Variants in METAP1 observed in about 807,000 individuals in gnomAD.
METAP1 encodes the protein methionyl aminopeptidase 1.
A neutral mutation model predicts 53.8 loss-of-function variants in METAP1; 28 were observed. The ratio of observed to expected loss-of-function variants is 0.52; its 90% CI spans 0.39 to 0.71. The LOEUF is 0.71. Among genes scored for constraint, METAP1 ranks in the 30% least tolerant of loss-of-function variants. The pLI, the probability that METAP1 is intolerant of heterozygous loss-of-function variation, is 0.00. For synonymous variants in METAP1, 181 were observed against 165.7 expected (o/e 1.09, Z -0.71); for missense variants, 389 against 479.8 (o/e 0.81, Z 1.77).
At chr4:99,041,492 T>G (rs1260730872) in intron 6 of METAP1, among the ~76,000 whole-genome samples, 1 of 152,098 alleles carries the variant, frequency 6.6e-6, no homozygotes, top group Non-Finnish European at 1.5e-5. Flanking sequence ...TGATGGTAGA[T>G]TAGTTAAATG....
At position 99,032,254 on chromosome 4, in the gene METAP1, G is replaced by T. The variant is rs116459421; in HGVS notation, c.167-1976G>T. ...TTGTTTTGTTTTTTTTTGAGACAGG[G>T]TGTTCCTCTGTTGCCCAGGCTGGAG... On this transcript the variant is annotated intron_variant, in intron 2 of 10. Coordinates refer to ENST00000296411, the MANE Select transcript of METAP1 (RefSeq NM_015143.3). 7.4e-3 allele frequency among the ~76,000 whole-genome samples: 1,123 copies of T among 151,662 alleles called. 9 individuals carry two copies. Among genetic ancestry groups the T allele is most frequent in the African/African-American group, 0.026 (1,081 of 41,302 alleles).
intron 9 of METAP1, among the ~76,000 whole-genome samples, chr4:99,052,729 G>T (rs79857726): frequency 0.012 from 1,820 of 152,296 alleles, 41 homozygotes; most frequent in African/African-American, 0.041. Flanking sequence ...GGTTGTTGTG[G>T]CAGTTTCTTG....
chr4:99,006,658 A>G (rs1224602163), intron 1 of METAP1, among the ~76,000 whole-genome samples: 2 of 152,178 alleles, frequency 1.3e-5, no homozygotes, highest in Non-Finnish European at 2.9e-5. Context: ...TCTTACTTAA[A>G]TTTCTCAATT....
At chr4:99,046,522 C>G (rs1726246673) in intron 8 of METAP1, among the ~76,000 whole-genome samples, 1 of 152,158 alleles carries the variant, frequency 6.6e-6, no homozygotes, top group South Asian at 2.1e-4. Context: ...AACTTTATTA[C>G]CAGTGTGCTA....
chr4:99,061,443 A>G lies in METAP1; in HGVS notation c.*126A>G. The G allele has an allele frequency of 1.2e-6, 1 of 865,658 alleles. No homozygotes were observed. Among genetic ancestry groups the G allele is most frequent in the Non-Finnish European group, 1.7e-6 (1 of 584,858 alleles). The allele number at this position is 865,658 out of a possible 1,614,324, so 53.6% of individuals were successfully genotyped here. A position where few individuals can be genotyped will look rare whatever the true frequency, so the allele number is the denominator to read the frequency against. On this transcript the variant is annotated 3_prime_UTR_variant, in exon 11 of 11. Transcript: ENST00000296411. ...TTTTGACTATAGATAAGAAAGGACT[A>G]CAGCATTTGATGTGTGTCCTCAAGA...
chr4:99,006,044 T>A (rs1723161883), intron 1 of METAP1, among the ~76,000 whole-genome samples: 1 of 152,188 alleles, frequency 6.6e-6, no homozygotes, highest in Non-Finnish European at 1.5e-5. Context: ...GTGGTACTTA[T>A]AGAGAGTTTA....
intron 10 of METAP1, among the ~76,000 whole-genome samples, chr4:99,059,677 T>C (rs148786557): frequency 4.6e-5 from 7 of 152,316 alleles, no homozygotes; most frequent in African/African-American, 1.7e-4. Flanking sequence ...ATTCCACCTC[T>C]GCTTCACATT....
intron 1 of METAP1, chr4:99,023,502 T>C: frequency 2.0e-6 from 2 of 985,430 alleles, no homozygotes; most frequent in Non-Finnish European, 2.4e-6. Flanking sequence ...GGTGTGCTTA[T>C]TTGCTCACAC....
intron 10 of METAP1, among the ~76,000 whole-genome samples, chr4:99,060,459 G>C (rs1324548955): frequency 6.6e-6 from 1 of 150,600 alleles, no homozygotes; most frequent in East Asian, 2.0e-4. Flanking sequence ...TGCCTCCCAG[G>C]TTCATGCCAT....
intron 5 of METAP1, among the ~76,000 whole-genome samples, chr4:99,040,717 C>CT (rs1725796125): frequency 7.9e-6 from 1 of 126,722 alleles, no homozygotes; most frequent in South Asian, 2.5e-4. Context: ...CTCATCTGTT[C>CT]TTTTTTCTTT....
chr4:99,027,494 C>G (rs2110327911), intron 1 of METAP1, among the ~76,000 whole-genome samples: 1 of 152,100 alleles, frequency 6.6e-6, no homozygotes, highest in Middle Eastern at 3.4e-3. Context: ...AGTCTTTCTT[C>G]CTGCGGTATG....
At chr4:99,007,612 G>T (rs965124984) in intron 1 of METAP1, among the ~76,000 whole-genome samples, 10 of 150,902 alleles carry the variant, frequency 6.6e-5, no homozygotes, top group African/African-American at 2.4e-4. Context: ...ACTGGTAAAT[G>T]AACTACGTTC....
chr4:99,031,034 G>A (rs1427191643), intron 2 of METAP1, among the ~76,000 whole-genome samples: 1 of 149,434 alleles, frequency 6.7e-6, no homozygotes, highest in East Asian at 2.0e-4. Context: ...CTTAATCATA[G>A]AAGCTTAATT....
At chr4:99,006,059 GT>G (rs1723163159) in intron 1 of METAP1, among the ~76,000 whole-genome samples, 1 of 152,134 alleles carries the variant, frequency 6.6e-6, no homozygotes, top group South Asian at 2.1e-4. Context: ...AGTTTATGTT[GT>G]TTCATATGCT....
At chr4:99,030,642 A>G (rs1338849867) in intron 2 of METAP1, among the ~76,000 whole-genome samples, 4 of 152,190 alleles carry the variant, frequency 2.6e-5, no homozygotes, top group African/African-American at 9.6e-5. Flanking sequence ...CAAGAAGAGT[A>G]TTAGGAAAAG....
chr4:98,998,876 T>TCTCGACTCA (rs1406674708), intron 1 of METAP1, among the ~76,000 whole-genome samples: 1 of 151,894 alleles, frequency 6.6e-6, no homozygotes, highest in African/African-American at 2.4e-5. Context: ...AATGGTGCGA[T>TCTCGACTCA]CTCGACTCAC....
At position 98,998,692 on chromosome 4, in the gene METAP1, CCTTT is replaced by C. The variant is rs143966853; in HGVS notation, c.114+2828_114+2831del. ...ACAAACAGAACAAAACTGCAAGAGG[CCTTT>C]CTATCACACCATTAACAGAAGTAAG... On this transcript the variant is annotated intron_variant, in intron 1 of 10. Transcript: ENST00000296411. Among the ~76,000 whole-genome samples the C allele has an allele frequency of 7.0e-3, 1,070 of 152,286 alleles. 7 individuals carry two copies. The highest frequency in any genetic ancestry group is 0.024 in the African/African-American group (1,008 of 41,542).
At chr4:99,037,884 A>G (rs745624499) in intron 4 of METAP1, 3 of 151,944 alleles carry the variant, frequency 2.0e-5, no homozygotes, top group African/African-American at 4.8e-5. Context: ...AAATTTATAG[A>G]TTAATTTTGG....
chr4:99,026,654 GAT>G (rs1724588331), intron 1 of METAP1: 1 of 985,266 alleles, frequency 1.0e-6, no homozygotes, highest in South Asian at 4.7e-5. Flanking sequence ...TCAGAGAATG[GAT>G]AGTCTTTCAG....
Sources: allele counts gnomAD v4.1 joint callset (sites outside exome capture counted in the v4.1 genomes callset), GRCh38; gene constraint gnomAD v4.1.1; transcripts MANE v1.5; gene names NCBI Gene and HGNC (gene_info 2026-07-23, HGNC 2026-07-21).